The following MGMT variants were observed in gnomAD, a reference collection of about 807,000 sequenced individuals.
MGMT encodes the protein methylated-DNA--protein-cysteine methyltransferase.
Under a neutral mutation model 15.9 loss-of-function variants are expected in MGMT, and 14 were observed. The ratio of observed to expected loss-of-function variants is 0.88; its 90% CI spans 0.58 to 1.37. MGMT has a LOEUF of 1.37. MGMT is among the 40% of genes most tolerant of loss of function. The pLI is 0.00. For synonymous variants in MGMT, 130 were observed against 118.2 expected, an observed-to-expected ratio of 1.10 and a Z score of -0.65; for missense variants, 282 against 268.1, an observed-to-expected ratio of 1.05 and a Z score of -0.36.
At chr10:129,502,275 G>A (rs185426842) in intron 1 of MGMT, among the ~76,000 whole-genome samples, 10 of 152,252 alleles carry the variant, frequency 6.6e-5, no homozygotes, top group Non-Finnish European at 2.9e-5. Flanking sequence ...TAACCTCCCT[G>A]TCTGCTTCTT....
chr10:129,613,757 T>C (rs1169414875), intron 2 of MGMT, among the ~76,000 whole-genome samples: 1 of 152,196 alleles, frequency 6.6e-6, no homozygotes, highest in Non-Finnish European at 1.5e-5. Context: ...CTCTGTGCCT[T>C]GGGCGCCTCT....
chr10:129,572,092 A>T (rs1333000765), intron 2 of MGMT, among the ~76,000 whole-genome samples: 3 of 152,208 alleles, frequency 2.0e-5, no homozygotes, highest in Non-Finnish European at 4.4e-5. Context: ...AAACATATGT[A>T]AACCATGCTG....
chr10:129,713,768 C>G (rs540613875), intron 3 of MGMT, among the ~76,000 whole-genome samples: 6 of 152,256 alleles, frequency 3.9e-5, no homozygotes, highest in Admixed American at 2.6e-4. Flanking sequence ...CGTTTACTTA[C>G]ACCAGCCCTG....
Position 129,584,575 on chromosome 10 carries a change from G to A in MGMT, c.125+48198G>A, listed in dbSNP as rs919452839. ...CCATCATCACAGTGTAATTTTAGAA[G>A]ATTTAAATCTCCCTCTTCCCCACTG... is the stretch of plus-strand genomic sequence containing the variant. On this transcript the variant is annotated intron_variant, in intron 2 of 4. Transcript: ENST00000651593. Among the ~76,000 whole-genome samples, 6 of 151,944 alleles carry A rather than the reference G, an allele frequency of 3.9e-5. No homozygotes were observed. In the South Asian group the frequency reaches 6.2e-4, roughly 16 times the overall value.
chr10:129,639,947 C>CA lies in MGMT; in HGVS notation c.126-67933dup, dbSNP rs35965727. Among the ~76,000 whole-genome samples, 784 of 116,246 alleles carry CA rather than the reference C, an allele frequency of 6.7e-3. 8 individuals are homozygous for CA. The highest frequency in any genetic ancestry group is 0.02 in the African/African-American group (615 of 31,324). 76.3% of individuals were successfully genotyped at this position (116,246 alleles called of 152,430 possible). On this transcript the variant is annotated intron_variant, in intron 2 of 4. Transcript: ENST00000651593. Reference sequence around the variant, plus strand: ...CTGATAAATCGGTGGCTAGACTGACCAAAAAAAAAAAAAAAGAGAGTGAAG... The same window carrying CA: ...CTGATAAATCGGTGGCTAGACTGACCAAAAAAAAAAAAAAAAGAGAGTGAAG...
chr10:129,505,421 G>A (rs1459766685), intron 1 of MGMT, among the ~76,000 whole-genome samples: 4 of 152,194 alleles, frequency 2.6e-5, no homozygotes, highest in Non-Finnish European at 5.9e-5. Context: ...TTAATATTAT[G>A]TGATAAATAT....
intron 3 of MGMT, among the ~76,000 whole-genome samples, chr10:129,753,844 A>G (rs1167077244): frequency 6.6e-6 from 1 of 152,010 alleles, no homozygotes; most frequent in Admixed American, 6.6e-5. Flanking sequence ...CATGCTTGGT[A>G]ATTTTGGATT....
intron 2 of MGMT, among the ~76,000 whole-genome samples, chr10:129,695,221 G>A (rs914374945): frequency 6.6e-6 from 1 of 152,172 alleles, no homozygotes; most frequent in African/African-American, 2.4e-5. Flanking sequence ...TCCAGCTGCA[G>A]CAATCAACAG....
chr10:129,510,028 T>C (rs73380848), intron 1 of MGMT, among the ~76,000 whole-genome samples: 1 of 152,088 alleles, frequency 6.6e-6, no homozygotes, highest in Non-Finnish European at 1.5e-5. Flanking sequence ...ACAGTGTCCA[T>C]CTGGGGTCCT....
At position 129,556,985 on chromosome 10, in the gene MGMT, C is replaced by T. The variant is rs1707527326; in HGVS notation, c.125+20608C>T. ...CAGAACGTTTGTGCGGTGGCGTGTC[C>T]CTTCTGTAAATTGCTGTGACCTGGG... On this transcript the variant is annotated intron_variant, in intron 2 of 4. Coordinates refer to ENST00000651593, the MANE Select transcript of MGMT (RefSeq NM_002412.5). The surrounding 1 kb of genome is among the most constrained non-coding windows in gnomAD (Gnocchi z 4.3). Among the ~76,000 whole-genome samples the T allele has an allele frequency of 6.6e-6, 1 of 152,048 alleles. No homozygotes were observed. Among genetic ancestry groups the T allele is most frequent in the Admixed American group, 6.5e-5 (1 of 15,276 alleles).
intron 2 of MGMT, among the ~76,000 whole-genome samples, chr10:129,593,227 A>G (rs931464378): frequency 1.3e-5 from 2 of 152,234 alleles, no homozygotes; most frequent in African/African-American, 4.8e-5. Flanking sequence ...GCTCCTGCGC[A>G]GTGGGCGCTG....
chr10:129,637,617 C>T (rs916878469), intron 2 of MGMT, among the ~76,000 whole-genome samples: 5 of 152,178 alleles, frequency 3.3e-5, no homozygotes, highest in Admixed American at 3.3e-4. Context: ...AGCCCTAGCC[C>T]TCAGTACGTC....
chr10:129,618,410 G>A (rs1279681638), intron 2 of MGMT, among the ~76,000 whole-genome samples: 3 of 152,012 alleles, frequency 2.0e-5, no homozygotes, highest in Non-Finnish European at 4.4e-5. Context: ...CATTGCTGTG[G>A]CTCTGTAGTA....
intron 1 of MGMT, among the ~76,000 whole-genome samples, chr10:129,479,930 C>T (rs1330502105): frequency 6.6e-6 from 1 of 152,012 alleles, no homozygotes; most frequent in East Asian, 1.9e-4. Context: ...TATTAATACC[C>T]CATTAGAAAT....
chr10:129,669,911 C>T (rs895093667), intron 2 of MGMT, among the ~76,000 whole-genome samples: 1 of 152,146 alleles, frequency 6.6e-6, no homozygotes, highest in African/African-American at 2.4e-5. Flanking sequence ...GTCCGATTTA[C>T]AAAGCTATTT....
intron 2 of MGMT, among the ~76,000 whole-genome samples, chr10:129,604,731 C>T (rs1413763579): frequency 3.5e-5 from 4 of 113,620 alleles, no homozygotes; most frequent in Admixed American, 1.8e-4. Context: ...CCCACCTCGC[C>T]GCCCCACCCC....
At chr10:129,524,500 G>T (rs1845847210) in intron 1 of MGMT, among the ~76,000 whole-genome samples, 1 of 151,030 alleles carries the variant, frequency 6.6e-6, no homozygotes, top group African/African-American at 2.4e-5. Context: ...TCTTTGGTCT[G>T]CAGTGACATG....
chr10:129,572,112 G>A (rs1846426609), intron 2 of MGMT, among the ~76,000 whole-genome samples: 1 of 152,140 alleles, frequency 6.6e-6, no homozygotes, highest in Admixed American at 6.6e-5. Context: ...GACCATCTAA[G>A]TGTTGCTTTA....
chr10:129,744,502 ACCT>A (rs773688444), intron 3 of MGMT, among the ~76,000 whole-genome samples: 4 of 152,028 alleles, frequency 2.6e-5, no homozygotes, highest in Non-Finnish European at 5.9e-5. Context: ...AGCTGGGCGC[ACCT>A]CCTCCAGGGA....
Sources: gnomAD v4.1 joint callset for allele counts (sites outside exome capture counted in the v4.1 genomes callset) on GRCh38, gnomAD v4.1.1 for gene constraint, Gnocchi (gnomAD v3.1) non-coding constraint, MANE v1.5 for transcripts, NCBI Gene and HGNC (gene_info 2026-07-23, HGNC 2026-07-21) for gene names.